The following PSAP variants were observed in gnomAD, a reference collection of about 807,000 sequenced individuals.
PSAP encodes prosaposin.
Under a neutral mutation model 66.0 loss-of-function variants are expected in PSAP, and 25 were observed. The observed-to-expected ratio is 0.38, with a 90% CI of 0.28 to 0.53. The LOEUF is 0.53. PSAP is among the 20% of genes least tolerant of loss of function. The probability of loss-of-function intolerance (pLI) is 0.83; values close to 1 mark genes in which losing one functional copy is unlikely to be tolerated. For missense variants in PSAP, 649 were observed against 668.8 expected (o/e 0.97, Z 0.33); for synonymous variants, 273 against 258.9 (o/e 1.05, Z -0.52).
At chr10:71,829,195 T>G in intron 4 of PSAP, 118 bp from the exon 5 acceptor site, 1 of 1,015,700 alleles carries the variant, frequency 9.8e-7, no homozygotes, top group African/African-American at 1.6e-5. Flanking sequence ...AACACAAACC[T>G]GTTGTCTAAA....
At chr10:71,838,136 C>T (rs1842662242) in intron 1 of PSAP, among the ~76,000 whole-genome samples, 2 of 152,184 alleles carry the variant, frequency 1.3e-5, no homozygotes, top group Admixed American at 1.3e-4. Context: ...AGGCACCTAA[C>T]TGGAAGGCGA....
At chr10:71,848,301 C>G (rs562563182) in intron 1 of PSAP, among the ~76,000 whole-genome samples, 1 of 152,138 alleles carries the variant, frequency 6.6e-6, no homozygotes, top group Non-Finnish European at 1.5e-5. Flanking sequence ...TAATCGTCCA[C>G]GTATGTAACT....
At chr10:71,818,995 C>T (rs372922126) in intron 12 of PSAP, 36 bp downstream of exon 12, 1 of 1,587,812 alleles carries the variant, frequency 6.3e-7, no homozygotes, top group Non-Finnish European at 8.6e-7. Flanking sequence ...CAGGTTACAG[C>T]TGCCCGAGAG....
chr10:71,823,816 C>CAAAAAAAAAAAAAA, intron 7 of PSAP: 1 of 968,950 alleles, frequency 1.0e-6, no homozygotes, highest in African/African-American at 1.8e-5. Context: ...ATGCCATACC[C>CAAAAAAAAAAAAAA]AAAAAAAAAA....
intron 1 of PSAP, among the ~76,000 whole-genome samples, chr10:71,841,021 T>TA (rs1266854757): frequency 6.6e-6 from 1 of 152,232 alleles, no homozygotes. Context: ...AAGAAGAACT[T>TA]AGATCACCTT....
Position 71,816,810 on chromosome 10 carries a change from A to G in PSAP, c.*631T>C. Reference sequence around the variant, plus strand: ...GGCATCACCAGGAAAGACACGGGAAAGCCAAATCACAGTTGAACCAGGGAC... The same window carrying G: ...GGCATCACCAGGAAAGACACGGGAAGGCCAAATCACAGTTGAACCAGGGAC... On this transcript the variant is annotated 3_prime_UTR_variant, in exon 14 of 14. Coordinates refer to ENST00000394936, the MANE Select transcript of PSAP (RefSeq NM_002778.4). 4.7e-6 allele frequency: 1 copy of G among 213,776 alleles called. No individual in the cohort carries two copies. Among genetic ancestry groups the G allele is most frequent in the Middle Eastern group, 2.1e-3 (1 of 482 alleles). The allele number at this position is 213,776 out of a possible 1,614,324, so 13.2% of individuals were successfully genotyped here. A position where few individuals can be genotyped will look rare whatever the true frequency, so the allele number is the denominator to read the frequency against.
chr10:71,817,428 A>C lies in PSAP; in HGVS notation c.*13T>G. 6.2e-7 allele frequency: 1 copy of C among 1,613,886 alleles called. No homozygotes were observed. Among genetic ancestry groups the C allele is most frequent in the Non-Finnish European group, 8.5e-7 (1 of 1,179,726 alleles). ...AATGCTGTGGTTTCTGCCAAGATGG[A>C]ATATTCCTCCTCCTAGTTCCACACA... On this transcript the variant is annotated 3_prime_UTR_variant, in exon 14 of 14. Transcript: ENST00000394936.
At chr10:71,831,542 T>G (rs1488791235) in intron 3 of PSAP, among the ~76,000 whole-genome samples, 2 of 152,146 alleles carry the variant, frequency 1.3e-5, no homozygotes, top group Non-Finnish European at 2.9e-5. Flanking sequence ...CAATACAACA[T>G]CTCAATTAAC....
At position 71,845,993 on chromosome 10, in the gene PSAP, C is replaced by T. The variant is rs547777126; in HGVS notation, c.40+5189G>A. ...TCACAACGTCCTTTGAAATTAAAGA[C>T]GCCAAAGGAAATCACAAAATCAAGG... On this transcript the variant is annotated intron_variant, in intron 1 of 13. Coordinates refer to ENST00000394936, the MANE Select transcript of PSAP (RefSeq NM_002778.4). Among the ~76,000 whole-genome samples, 5 of 152,266 alleles carry T rather than the reference C, an allele frequency of 3.3e-5. No individual in the cohort carries two copies. The South Asian group carries it at 1.0e-3, about 32-fold the overall frequency.
At chr10:71,834,605 AC>A in intron 1 of PSAP, 100 bp from the exon 2 acceptor site, 1 of 1,452,888 alleles carries the variant, frequency 6.9e-7, no homozygotes, top group Non-Finnish European at 9.4e-7. Flanking sequence ...CTTGAGCTGG[AC>A]TCTGCTACTC....
chr10:71,842,466 T>C (rs1039464851), intron 1 of PSAP, among the ~76,000 whole-genome samples: 5 of 152,336 alleles, frequency 3.3e-5, no homozygotes, highest in East Asian at 1.9e-4. Context: ...ATGTTAAATA[T>C]TGATAGATAC....
intron 12 of PSAP, 59 bp downstream of exon 12, chr10:71,818,972 C>T (rs1842234946): frequency 6.7e-7 from 1 of 1,502,844 alleles, no homozygotes; most frequent in Non-Finnish European, 9.2e-7. Context: ...CCTTCCGGGT[C>T]TCTGCAGCCC....
In PSAP at chr10:71,820,339, T is replaced by C; in HGVS notation, c.910-4A>G. The C allele has an allele frequency of 6.2e-7, 1 of 1,611,818 alleles. No homozygotes were observed. Among genetic ancestry groups the C allele is most frequent in the Non-Finnish European group, 8.5e-7 (1 of 1,177,954 alleles). ...ACTTTGCTGGGACCTCGTGCTTCTG[T>C]GGAAAGAGTAGAAGGAGAGTACTTT... On this transcript the variant is annotated splice_polypyrimidine_tract_variant and splice_region_variant and intron_variant, in intron 8 of 13. Transcript: ENST00000394936.
chr10:71,850,989 G>A (rs978042408), intron 1 of PSAP, among the ~76,000 whole-genome samples, 193 bp downstream of exon 1: 2 of 152,346 alleles, frequency 1.3e-5, no homozygotes, highest in African/African-American at 2.4e-5. Flanking sequence ...GGGCATTTTC[G>A]CAGCCCGCCC....
chr10:71,850,522 G>T (rs1482550027), intron 1 of PSAP, among the ~76,000 whole-genome samples: 3 of 151,820 alleles, frequency 2.0e-5, no homozygotes, highest in Non-Finnish European at 4.4e-5. Flanking sequence ...CCGAAAATAT[G>T]TAAAACCCAG....
chr10:71,848,842 A>G (rs1446671637), intron 1 of PSAP, among the ~76,000 whole-genome samples: 1 of 152,240 alleles, frequency 6.6e-6, no homozygotes, highest in Non-Finnish European at 1.5e-5. Flanking sequence ...TGTTATCAGC[A>G]CTGACTTTGG....
At position 71,851,187 on chromosome 10, in the gene PSAP, C is replaced by T. The variant is rs1445324904; in HGVS notation, c.35G>A (p.Gly12Asp). 6.4e-7 allele frequency: 1 copy of T among 1,551,086 alleles called. No homozygotes were observed. Among genetic ancestry groups the T allele is most frequent in the East Asian group, 2.4e-5 (1 of 40,922 alleles). The change falls in exon 1 of 14, where the codon GGC becomes GAC. Residue 12 changes from glycine (G) to aspartate (D), a missense_variant. Gly to Asp is a moderately conservative substitution (Grantham distance 94). Coordinates refer to ENST00000394936, the MANE Select transcript of PSAP (RefSeq NM_002778.4). Reference protein sequence around the residue: ...YALFLLASLLGAALAGPVLGL... With the variant: ...YALFLLASLLDAALAGPVLGL... ...ATGAGGGTCCCAGGGCTTACCCGCG[C>T]CCAGGAGGCTGGCCAGGAGGAAGAG...
chr10:71,833,033 A>AC lies in PSAP; in HGVS notation c.175-1114_175-1113insG, dbSNP rs138412781. On this transcript the variant is annotated intron_variant, in intron 2 of 13. Coordinates refer to ENST00000394936, the MANE Select transcript of PSAP (RefSeq NM_002778.4). ...GTCCATCTCAAAAAAAAAAAAAAAC[A>AC]AAAAACAAAAACAGAAGGCCGGGCC... Among the ~76,000 whole-genome samples the AC allele has an allele frequency of 5.3e-4, 65 of 122,226 alleles. 2 individuals are homozygous for AC. The highest frequency in any genetic ancestry group is 1.2e-3 in the East Asian group (5 of 4,312). 80.2% of individuals were successfully genotyped at this position (122,226 alleles called of 152,430 possible).
chr10:71,828,350 G>A (rs1469388182), intron 5 of PSAP, among the ~76,000 whole-genome samples, 193 bp from the exon 6 acceptor site: 1 of 152,080 alleles, frequency 6.6e-6, no homozygotes, highest in Non-Finnish European at 1.5e-5. Flanking sequence ...TATAAAAAGG[G>A]GGTTTAGTAT....
Sources: gnomAD v4.1 joint callset for allele counts (sites outside exome capture counted in the v4.1 genomes callset) on GRCh38, gnomAD v4.1.1 for gene constraint, MANE v1.5 for transcripts, NCBI Gene and HGNC (gene_info 2026-07-23, HGNC 2026-07-21) for gene names.